The following PCDH15 variants were observed in gnomAD, a reference collection of about 807,000 sequenced individuals.
PCDH15 encodes protocadherin related 15, also known as protocadherin-15.
A neutral mutation model predicts 178.5 loss-of-function variants in PCDH15; 129 were observed. That is an observed-to-expected ratio of 0.72 (90% CI 0.63 to 0.84). The LOEUF (loss-of-function observed/expected upper bound fraction) is 0.84, where lower values mean the gene tolerates loss of function less well. Among genes scored for constraint, PCDH15 ranks in the 40% least tolerant of loss-of-function variants. The pLI is 0.00. For missense variants in PCDH15, 2,230 were observed against 2,099.9 expected (o/e 1.06, Z -1.21); for synonymous variants, 800 against 732.0 (o/e 1.09, Z -1.50).
At chr10:54,592,040 C>G (rs1328311368) in intron 2 of PCDH15, among the ~76,000 whole-genome samples, 1 of 151,938 alleles carries the variant, frequency 6.6e-6, no homozygotes, top group African/African-American at 2.4e-5. Context: ...TGAGGCTATC[C>G]CAAGGAGAAG....
intron 23 of PCDH15, among the ~76,000 whole-genome samples, chr10:53,955,445 T>C (rs2087520644): frequency 6.6e-6 from 1 of 152,126 alleles, no homozygotes; most frequent in Non-Finnish European, 1.5e-5. Flanking sequence ...GGGTCAATAA[T>C]TCAGTTAAAC....
chr10:54,788,815 T>C (rs1951130348), intron 1 of PCDH15, among the ~76,000 whole-genome samples: 1 of 151,410 alleles, frequency 6.6e-6, no homozygotes. Context: ...CTCAGAAAAA[T>C]AGTAAAGGTG....
At chr10:55,616,243 T>A (rs1358419813) in intron 2 of PCDH15, among the ~76,000 whole-genome samples, 1 of 152,148 alleles carries the variant, frequency 6.6e-6, no homozygotes, top group African/African-American at 2.4e-5. Flanking sequence ...ACAACACACT[T>A]TAACAGTAAA....
intron 2 of PCDH15, among the ~76,000 whole-genome samples, chr10:55,540,442 T>G (rs906664479): frequency 1.3e-5 from 2 of 151,914 alleles, no homozygotes; most frequent in African/African-American, 4.8e-5. Context: ...GCATCAACAA[T>G]AAAGAATGGC....
intron 18 of PCDH15, among the ~76,000 whole-genome samples, chr10:54,024,206 TA>T (rs1454540672): frequency 6.6e-6 from 1 of 152,158 alleles, no homozygotes; most frequent in Admixed American, 6.6e-5. Context: ...TCAATTGTGA[TA>T]CTAATTATGA....
At chr10:54,669,682 T>C (rs1300527607) in intron 1 of PCDH15, among the ~76,000 whole-genome samples, 1 of 147,880 alleles carries the variant, frequency 6.8e-6, no homozygotes, top group Non-Finnish European at 1.5e-5. Flanking sequence ...TTCGGCTTAC[T>C]AGATCTTTGC....
chr10:54,846,827 C>T (rs1284479070), intron 3 of PCDH15, among the ~76,000 whole-genome samples: 1 of 151,854 alleles, frequency 6.6e-6, no homozygotes, highest in Non-Finnish European at 1.5e-5. Flanking sequence ...ACCTGACTAA[C>T]CCTTAAGGAA....
intron 14 of PCDH15, among the ~76,000 whole-genome samples, chr10:54,142,781 T>A (rs1413728643): frequency 2.0e-5 from 3 of 152,002 alleles, no homozygotes; most frequent in African/African-American, 7.2e-5. Context: ...TGAACAAAAA[T>A]TTCATGTAAG....
chr10:54,991,776 T>A (rs1413655489), intron 2 of PCDH15, among the ~76,000 whole-genome samples: 2 of 152,118 alleles, frequency 1.3e-5, no homozygotes, highest in Non-Finnish European at 2.9e-5. Flanking sequence ...GAGCTGAAAA[T>A]AAAACTGATG....
At chr10:54,857,622 C>CT (rs527831721) in intron 3 of PCDH15, among the ~76,000 whole-genome samples, 30,961 of 142,110 alleles carry the variant, frequency 0.22, 3,306 homozygotes, top group African/African-American at 0.24. Flanking sequence ...ATTTTTTTTT[C>CT]TTTTTTTTTT....
chr10:55,383,802 T>C (rs138988664), intron 2 of PCDH15, among the ~76,000 whole-genome samples: 39 of 152,256 alleles, frequency 2.6e-4, no homozygotes, highest in East Asian at 5.8e-4. Context: ...CCTCTAAAGA[T>C]GTTTTATACC....
chr10:55,201,238 A>C (rs994456494), intron 1 of PCDH15, among the ~76,000 whole-genome samples: 4 of 152,028 alleles, frequency 2.6e-5, no homozygotes, highest in African/African-American at 9.7e-5. Context: ...AGACCTCCAT[A>C]CTCCCTAAAA....
intron 2 of PCDH15, among the ~76,000 whole-genome samples, chr10:55,040,754 A>T (rs10825448): frequency 0.56 from 84,979 of 151,842 alleles, 24,240 homozygotes; most frequent in East Asian, 0.75. Context: ...GTTTCTAAAT[A>T]TCAATATATA....
intron 2 of PCDH15, among the ~76,000 whole-genome samples, chr10:55,159,531 G>C (rs1839003612): frequency 6.7e-6 from 1 of 149,042 alleles, no homozygotes; most frequent in Non-Finnish European, 1.5e-5. Flanking sequence ...AGATTTGTTA[G>C]ACTAGGACGT....
intron 2 of PCDH15, among the ~76,000 whole-genome samples, chr10:55,040,842 C>T (rs1285933276): frequency 1.3e-5 from 2 of 149,022 alleles, no homozygotes; most frequent in African/African-American, 5.0e-5. Context: ...ACTTTTTTCT[C>T]ATTTCCCTTT....
At chr10:55,032,088 A>G (rs1055322110) in intron 2 of PCDH15, among the ~76,000 whole-genome samples, 1 of 152,322 alleles carries the variant, frequency 6.6e-6, no homozygotes, top group Non-Finnish European at 1.5e-5. Flanking sequence ...AGGGCTCAGA[A>G]GAGGAGAACT....
chr10:55,009,905 A>G (rs191195494), intron 2 of PCDH15, among the ~76,000 whole-genome samples: 176 of 152,298 alleles, frequency 1.2e-3, no homozygotes, highest in African/African-American at 4.2e-3. Context: ...TCTAAATAGC[A>G]TCCTGCCTTG....
At chr10:54,607,945 G>T (rs762124281) in intron 2 of PCDH15, 1 of 507,016 alleles carries the variant, frequency 2.0e-6, no homozygotes, top group Admixed American at 2.1e-5. Context: ...GATTACTTTT[G>T]CACCAACCTA....
chr10:54,760,367 A>G (rs1330775498), intron 1 of PCDH15, among the ~76,000 whole-genome samples: 1 of 132,478 alleles, frequency 7.5e-6, no homozygotes. Context: ...GGATAACACA[A>G]CATATATATT....
Sources: gnomAD v4.1 joint callset for allele counts (sites outside exome capture counted in the v4.1 genomes callset) on GRCh38, gnomAD v4.1.1 for gene constraint, MANE v1.5 for transcripts, NCBI Gene and HGNC (gene_info 2026-07-23, HGNC 2026-07-21) for gene names.